The following PREX2 variants were observed in gnomAD, a reference collection of about 807,000 sequenced individuals.
PREX2 encodes phosphatidylinositol 3,4,5-trisphosphate-dependent Rac exchanger 2 protein.
Under a neutral mutation model 203.2 loss-of-function variants are expected in PREX2, and 107 were observed. The ratio of observed to expected loss-of-function variants is 0.53; its 90% CI spans 0.45 to 0.62. The LOEUF is 0.62. PREX2 is among the 20% of genes least tolerant of loss of function. The pLI is 0.00. For missense variants in PREX2, 1,777 were observed against 1,955.9 expected, an observed-to-expected ratio of 0.91 and a Z score of 1.72; for synonymous variants, 672 against 663.6, an observed-to-expected ratio of 1.01 and a Z score of -0.19.
chr8:68,215,879 T>C (rs755325784), intron 37 of PREX2, among the ~76,000 whole-genome samples: 1 of 152,186 alleles, frequency 6.6e-6, no homozygotes, highest in Non-Finnish European at 1.5e-5. Flanking sequence ...TATTACTGCT[T>C]GGCCTTCATT....
At chr8:68,085,831 A>G (rs948055493) in intron 18 of PREX2, among the ~76,000 whole-genome samples, 1 of 152,202 alleles carries the variant, frequency 6.6e-6, no homozygotes, top group African/African-American at 2.4e-5. Context: ...AGAAGGATAG[A>G]AAAGCCTTGC....
chr8:68,198,305 A>G (rs893900252), intron 37 of PREX2, among the ~76,000 whole-genome samples: 15 of 152,202 alleles, frequency 9.9e-5, no homozygotes, highest in African/African-American at 3.1e-4. Flanking sequence ...TTGTTTCTCT[A>G]CTAAGACTTG....
intron 10 of PREX2, among the ~76,000 whole-genome samples, chr8:68,059,501 C>T (rs1426005408): frequency 6.6e-6 from 1 of 152,114 alleles, no homozygotes; most frequent in Non-Finnish European, 1.5e-5. Flanking sequence ...AGATGAGATA[C>T]AATAATGAAT....
chr8:67,994,634 G>T (rs1806711828), intron 1 of PREX2, among the ~76,000 whole-genome samples: 1 of 152,176 alleles, frequency 6.6e-6, no homozygotes, highest in Non-Finnish European at 1.5e-5. Context: ...AACAGGCCTT[G>T]TTAAGCATCT....
chr8:68,096,659 A>G (rs1810085097), intron 21 of PREX2, among the ~76,000 whole-genome samples: 1 of 152,128 alleles, frequency 6.6e-6, no homozygotes. Flanking sequence ...TATTCATACA[A>G]CATTCGAGGC....
intron 37 of PREX2, among the ~76,000 whole-genome samples, chr8:68,193,449 A>G (rs1812335807): frequency 6.6e-6 from 1 of 152,168 alleles, no homozygotes; most frequent in Admixed American, 6.5e-5. Context: ...TTTGATTTTG[A>G]GGATGGTGTT....
chr8:68,236,023 G>A lies in PREX2; in HGVS notation c.*4645G>A, dbSNP rs965189639. 13 of 152,110 alleles carry A rather than the reference G, an allele frequency of 8.5e-5. No individual in the cohort carries two copies. Among genetic ancestry groups the A allele is most frequent in the African/African-American group, 3.1e-4 (13 of 41,420 alleles). 9.4% of individuals were successfully genotyped at this position (152,110 alleles called of 1,614,324 possible). ...TATATATATTATTATATTTACTAGT[G>A]TTTGTGATAATGTTATAAAAATTAA... On this transcript the variant is annotated 3_prime_UTR_variant, in exon 40 of 40. Coordinates refer to ENST00000288368, the MANE Select transcript of PREX2 (RefSeq NM_024870.4).
At chr8:68,014,424 C>G (rs138168143) in intron 1 of PREX2, among the ~76,000 whole-genome samples, 6 of 152,044 alleles carry the variant, frequency 3.9e-5, no homozygotes, top group African/African-American at 1.4e-4. Flanking sequence ...CACACACATG[C>G]AAGCTGAAAG....
chr8:68,093,583 T>G, intron 20 of PREX2, 22 bp from the exon 21 acceptor site: 1 of 1,262,682 alleles, frequency 7.9e-7, no homozygotes, highest in Non-Finnish European at 1.1e-6. Flanking sequence ...CCTCTGAGGT[T>G]TCTTTCCCCC....
chr8:68,003,756 C>G (rs1807011671), intron 1 of PREX2, among the ~76,000 whole-genome samples: 1 of 150,738 alleles, frequency 6.6e-6, no homozygotes, highest in South Asian at 2.1e-4. Context: ...TTTTCCAAGG[C>G]AAGAATGGAA....
chr8:68,069,011 T>A, intron 11 of PREX2, 22 bp from the exon 12 acceptor site: 1 of 986,370 alleles, frequency 1.0e-6, no homozygotes, highest in Middle Eastern at 2.1e-4. Context: ...GTTATTTTAA[T>A]ATAGTATTTC....
intron 39 of PREX2, among the ~76,000 whole-genome samples, chr8:68,226,751 A>G (rs1232790427): frequency 6.6e-6 from 1 of 152,216 alleles, no homozygotes; most frequent in Non-Finnish European, 1.5e-5. Flanking sequence ...TAGAGTAACA[A>G]TGGAATAGAA....
intron 7 of PREX2, among the ~76,000 whole-genome samples, chr8:68,041,132 T>A (rs1326782256): frequency 2.0e-5 from 3 of 152,138 alleles, no homozygotes; most frequent in Admixed American, 1.3e-4. Flanking sequence ...ATGGTACCAA[T>A]GGGTTCATTC....
At chr8:68,037,811 A>G (rs1808078632) in intron 6 of PREX2, among the ~76,000 whole-genome samples, 1 of 152,198 alleles carries the variant, frequency 6.6e-6, no homozygotes. Context: ...GAAAAAGAGA[A>G]CAAAGAAAGA....
At chr8:67,984,754 T>C (rs1585677859) in intron 1 of PREX2, among the ~76,000 whole-genome samples, 1 of 152,294 alleles carries the variant, frequency 6.6e-6, no homozygotes, top group Non-Finnish European at 1.5e-5. Flanking sequence ...GACTCTCGAA[T>C]GCACAAGCTG....
intron 35 of PREX2, among the ~76,000 whole-genome samples, chr8:68,169,036 A>T (rs564990258): frequency 6.6e-6 from 1 of 152,250 alleles, no homozygotes; most frequent in Non-Finnish European, 1.5e-5. Context: ...TCTAACAGAG[A>T]TATCCAGGCT....
intron 8 of PREX2, among the ~76,000 whole-genome samples, chr8:68,050,851 G>T (rs575474271): frequency 1.3e-4 from 20 of 152,140 alleles, no homozygotes; most frequent in Non-Finnish European, 2.6e-4. Context: ...AACTCAGTCT[G>T]GGGAATATAT....
chr8:67,955,147 C>CA (rs1183491822), intron 1 of PREX2, among the ~76,000 whole-genome samples: 1,898 of 51,322 alleles, frequency 0.037, 58 homozygotes, highest in Non-Finnish European at 0.044. Context: ...GACTCCATCT[C>CA]AAAAAAAAAA....
intron 35 of PREX2, 55 bp downstream of exon 35, chr8:68,157,491 A>AT: frequency 1.1e-6 from 1 of 875,648 alleles, no homozygotes; most frequent in Non-Finnish European, 1.8e-6. Context: ...ATAGAAATGT[A>AT]TTAATAGGAC....
Sources: allele counts gnomAD v4.1 joint callset (sites outside exome capture counted in the v4.1 genomes callset), GRCh38; gene constraint gnomAD v4.1.1; transcripts MANE v1.5; gene names NCBI Gene and HGNC (gene_info 2026-07-23, HGNC 2026-07-21).